DSCAM: variants seen among roughly 807,000 people sequenced by gnomAD.
DSCAM encodes cell adhesion molecule DSCAM.
DSCAM carries 47 observed loss-of-function variants against 217.7 expected under a neutral mutation model. The observed-to-expected ratio is 0.22, with a 90% CI of 0.17 to 0.28. The LOEUF (loss-of-function observed/expected upper bound fraction) is 0.28, where lower values mean the gene tolerates loss of function less well. Ranked by LOEUF, DSCAM falls within the 10% of genes least tolerant of loss-of-function variation. The pLI is 1.00. For missense variants in DSCAM, 2,080 were observed against 2,618.3 expected (o/e 0.79, Z 4.49); for synonymous variants, 1,056 against 1,015.3 (o/e 1.04, Z -0.76).
chr21:40,080,092 A>G (rs1485258874), intron 25 of DSCAM, 60 bp downstream of exon 25: 4 of 1,322,870 alleles, frequency 3.0e-6, no homozygotes, highest in Non-Finnish European at 3.1e-6. Context: ...TATGATTCCA[A>G]TCTCCTCTTC....
chr21:40,263,032 A>T (rs1431459133), intron 11 of DSCAM, among the ~76,000 whole-genome samples: 1 of 152,260 alleles, frequency 6.6e-6, no homozygotes, highest in African/African-American at 2.4e-5. Flanking sequence ...AGGCTATACA[A>T]ATAAAAGAGA....
At chr21:40,420,507 A>G (rs1005500827) in intron 3 of DSCAM, among the ~76,000 whole-genome samples, 1 of 152,208 alleles carries the variant, frequency 6.6e-6, no homozygotes, top group East Asian at 1.9e-4. Context: ...CAGGAAGGTC[A>G]GGATTCAGGA....
At chr21:40,330,969 T>C (rs2074372227) in intron 8 of DSCAM, among the ~76,000 whole-genome samples, 1 of 152,078 alleles carries the variant, frequency 6.6e-6, no homozygotes, top group Admixed American at 6.6e-5. Flanking sequence ...TGTTGAAAAA[T>C]AAATATGAAA....
intron 1 of DSCAM, among the ~76,000 whole-genome samples, chr21:40,739,971 T>A (rs1237993764): frequency 2.2e-5 from 3 of 137,934 alleles, no homozygotes; most frequent in African/African-American, 8.4e-5. Context: ...TTTTTTTTTT[T>A]TTTTTTTTTT....
At chr21:40,036,377 A>C (rs1375209407) in intron 32 of DSCAM, among the ~76,000 whole-genome samples, 1 of 148,452 alleles carries the variant, frequency 6.7e-6, no homozygotes, top group Non-Finnish European at 1.5e-5. Flanking sequence ...ATCAGAGAAT[A>C]CTACAAACAC....
At chr21:40,205,265 TG>T (rs34089470) in intron 11 of DSCAM, among the ~76,000 whole-genome samples, 76,992 of 152,004 alleles carry the variant, frequency 0.51, 19,930 homozygotes, top group African/African-American at 0.62. Flanking sequence ...CAGTGCATGC[TG>T]GGGGCCTTAG....
chr21:40,172,883 T>G (rs561798837), intron 15 of DSCAM, among the ~76,000 whole-genome samples: 1 of 152,184 alleles, frequency 6.6e-6, no homozygotes, highest in South Asian at 2.1e-4. Flanking sequence ...AGGAGTTGGG[T>G]GGGTGGGCGA....
intron 3 of DSCAM, among the ~76,000 whole-genome samples, chr21:40,510,147 C>G (rs1430180783): frequency 6.6e-6 from 1 of 151,370 alleles, no homozygotes; most frequent in Non-Finnish European, 1.5e-5. Context: ...CTAAAATTGT[C>G]CCCCCCCAAA....
At chr21:40,535,221 A>G (rs1311202287) in intron 3 of DSCAM, among the ~76,000 whole-genome samples, 2 of 152,240 alleles carry the variant, frequency 1.3e-5, no homozygotes, top group African/African-American at 2.4e-5. Context: ...TTAAAGTCTT[A>G]GAACAGTGCT....
chr21:40,236,282 T>C (rs9636968), intron 11 of DSCAM, among the ~76,000 whole-genome samples: 1 of 152,312 alleles, frequency 6.6e-6, no homozygotes, highest in East Asian at 1.9e-4. Flanking sequence ...ATTTGATTAA[T>C]GAATAAGTCA....
intron 24 of DSCAM, among the ~76,000 whole-genome samples, chr21:40,083,157 G>A (rs747080456): frequency 2.0e-5 from 3 of 152,334 alleles, no homozygotes; most frequent in Middle Eastern, 3.4e-3. Flanking sequence ...GGCCGGGCGT[G>A]GTGGCTCACG....
intron 10 of DSCAM, among the ~76,000 whole-genome samples, chr21:40,293,574 T>C (rs537599049): frequency 6.6e-6 from 1 of 152,302 alleles, no homozygotes; most frequent in East Asian, 1.9e-4. Flanking sequence ...ATTATTGATG[T>C]ACTACAATAA....
intron 1 of DSCAM, among the ~76,000 whole-genome samples, chr21:40,792,599 C>T (rs1248502351): frequency 1.3e-5 from 2 of 152,086 alleles, no homozygotes; most frequent in African/African-American, 4.8e-5. Context: ...GAGAGATAAA[C>T]GGATATGTGA....
At chr21:40,693,544 TG>T (rs2090563089) in intron 2 of DSCAM, among the ~76,000 whole-genome samples, 1 of 152,134 alleles carries the variant, frequency 6.6e-6, no homozygotes. Flanking sequence ...TGCAAAGTTA[TG>T]ATGATGGCAA....
intron 4 of DSCAM, among the ~76,000 whole-genome samples, chr21:40,354,378 T>A (rs935775351): frequency 1.3e-5 from 2 of 152,006 alleles, no homozygotes; most frequent in Non-Finnish European, 2.9e-5. Flanking sequence ...ATAAAATAAA[T>A]ATTTTTTAAG....
intron 3 of DSCAM, among the ~76,000 whole-genome samples, chr21:40,396,914 T>C (rs2075183586): frequency 6.6e-6 from 1 of 152,090 alleles, no homozygotes; most frequent in Non-Finnish European, 1.5e-5. Flanking sequence ...CCAGATAACA[T>C]CAAAGAACTG....
At chr21:40,432,256 A>C (rs2145898048) in intron 3 of DSCAM, among the ~76,000 whole-genome samples, 1 of 138,822 alleles carries the variant, frequency 7.2e-6, no homozygotes, top group South Asian at 2.3e-4. Context: ...TTCTTCTGAT[A>C]GTCAAAAGGC....
chr21:40,676,348 C>T (rs116990435), intron 3 of DSCAM, among the ~76,000 whole-genome samples: 1,593 of 152,230 alleles, frequency 0.01, 15 homozygotes, highest in Non-Finnish European at 0.018. Context: ...TCAGGCCTCG[C>T]GGAGCCCAGA....
intron 11 of DSCAM, among the ~76,000 whole-genome samples, chr21:40,218,071 G>T (rs959908005): frequency 5.3e-5 from 8 of 152,070 alleles, no homozygotes; most frequent in Non-Finnish European, 1.2e-4. Context: ...TGAAATCTTT[G>T]CCATTCCTGT....
Sources: allele counts gnomAD v4.1 joint callset (sites outside exome capture counted in the v4.1 genomes callset), GRCh38; gene constraint gnomAD v4.1.1; transcripts MANE v1.5; gene names NCBI Gene and HGNC (gene_info 2026-07-23, HGNC 2026-07-21).